PDXDC1: variants seen among roughly 807,000 people sequenced by gnomAD.
The protein encoded by PDXDC1 is pyridoxal-dependent decarboxylase domain-containing protein 1.
Under a neutral mutation model 100.1 loss-of-function variants are expected in PDXDC1, and 42 were observed. The ratio of observed to expected loss-of-function variants is 0.42; its 90% CI spans 0.33 to 0.54. The LOEUF (loss-of-function observed/expected upper bound fraction) is 0.54, where lower values mean the gene tolerates loss of function less well. Among genes scored for constraint, PDXDC1 ranks in the 20% least tolerant of loss-of-function variants. The pLI is 0.10. For missense variants in PDXDC1, 636 were observed against 979.2 expected (o/e 0.65, Z 4.68); for synonymous variants, 260 against 371.7 (o/e 0.70, Z 3.46).
rs2045845490 is a variant in PDXDC1, at chr16:15,084,685, T to C, written c.1400-54194T>C. On this transcript the variant is annotated intron_variant, in intron 16 of 16. Transcript: ENST00000535621. Reference sequence around the variant, plus strand: ...ATTATTTGCAAGGCTCTGTGACATGTGTCAAAATTTGCAGGAAGATCTGAA... The same window carrying C: ...ATTATTTGCAAGGCTCTGTGACATGCGTCAAAATTTGCAGGAAGATCTGAA... The C allele has an allele frequency of 1.9e-6, 3 of 1,613,120 alleles. No homozygotes were observed. In the East Asian group the frequency reaches 6.7e-5, roughly 36 times the overall value.
chr16:15,041,558 C>T (rs2043817091), downstream of PDXDC1: 1 of 1,146,084 alleles, frequency 8.7e-7, no homozygotes, highest in Non-Finnish European at 1.3e-6. Flanking sequence ...GGGCCCACTG[C>T]AAGACTGGGG....
At chr16:15,018,287 T>C (rs550085389) in intron 11 of PDXDC1, among the ~76,000 whole-genome samples, 8 of 152,220 alleles carry the variant, frequency 5.3e-5, no homozygotes, top group South Asian at 4.1e-4. Flanking sequence ...TGTGAGCCTG[T>C]AGTCCCAGCT....
intron 16 of PDXDC1, among the ~76,000 whole-genome samples, chr16:15,054,080 C>T (rs1206303965): frequency 3.3e-5 from 5 of 152,208 alleles, no homozygotes; most frequent in Admixed American, 2.0e-4. Context: ...CGGGCTGCTC[C>T]GGAGAAACTG....
intron 16 of PDXDC1, among the ~76,000 whole-genome samples, chr16:15,030,544 C>CAAAAAAAAAAA (rs1156634836): frequency 2.6e-5 from 1 of 38,376 alleles, no homozygotes; most frequent in East Asian, 1.1e-3. Context: ...GACTCCATCT[C>CAAAAAAAAAAA]AAAAAAAAAA....
downstream of PDXDC1, among the ~76,000 whole-genome samples, chr16:15,143,888 C>T (rs529605199): frequency 2.5e-4 from 38 of 152,348 alleles, no homozygotes; most frequent in South Asian, 7.2e-3. Context: ...GAAACATCTG[C>T]ACATTCCAGA....
At chr16:15,018,652 C>T (rs1194526938) in intron 11 of PDXDC1, among the ~76,000 whole-genome samples, 188 bp from the exon 12 acceptor site, 1 of 152,150 alleles carries the variant, frequency 6.6e-6, no homozygotes, top group Non-Finnish European at 1.5e-5. Context: ...TTGGACAAAC[C>T]GAGGTCTCTG....
At chr16:15,041,557 G>A, downstream of PDXDC1, 9 of 1,131,212 alleles carry the variant, frequency 8.0e-6, no homozygotes, top group Non-Finnish European at 1.1e-5. Flanking sequence ...TGGGCCCACT[G>A]CAAGACTGGG....
At chr16:14,982,122 T>C (rs1968137374) in intron 1 of PDXDC1, among the ~76,000 whole-genome samples, 1 of 152,304 alleles carries the variant, frequency 6.6e-6, no homozygotes, top group Non-Finnish European at 1.5e-5. Context: ...TCTGCCTATC[T>C]TCTTGAGGAA....
the PDXDC1 span, among the ~76,000 whole-genome samples, chr16:15,146,900 T>A: frequency 3.9e-5 from 6 of 152,040 alleles, no homozygotes; most frequent in East Asian, 1.2e-3. Flanking sequence ...TGGAGCCCAC[T>A]TTACAGGTGA....
At chr16:15,078,316 C>T in intron 16 of PDXDC1, among the ~76,000 whole-genome samples, 1 of 152,136 alleles carries the variant, frequency 6.6e-6, no homozygotes, top group Non-Finnish European at 1.5e-5. Context: ...AGTCCACAAA[C>T]CTGCTCACGT....
At chr16:15,085,693 C>T (rs1469555177) in intron 16 of PDXDC1, 1 of 1,613,260 alleles carries the variant, frequency 6.2e-7, no homozygotes. Flanking sequence ...TTAATGATCA[C>T]TCGGGCTTTT....
intron 16 of PDXDC1, among the ~76,000 whole-genome samples, chr16:15,078,923 T>C (rs1304360716): frequency 6.6e-6 from 1 of 151,464 alleles, no homozygotes; most frequent in African/African-American, 2.4e-5. Context: ...ACCATTCTCC[T>C]GCCTCAGCCT....
At chr16:15,131,811 C>T in intron 16 of PDXDC1, 1 of 404,294 alleles carries the variant, frequency 2.5e-6, no homozygotes, top group Non-Finnish European at 4.3e-6. Flanking sequence ...AAAGGGGGAA[C>T]CTGAGGGGGC....
At chr16:15,042,277 C>A (rs2043852518), downstream of PDXDC1, among the ~76,000 whole-genome samples, 1 of 151,588 alleles carries the variant, frequency 6.6e-6, no homozygotes. Context: ...TCTCCACCTC[C>A]CAGGTTCAAG....
At chr16:15,017,296 C>T (rs1302668033) in intron 10 of PDXDC1, 25 bp from the exon 11 acceptor site, 2 of 1,593,358 alleles carry the variant, frequency 1.3e-6, no homozygotes, top group South Asian at 2.2e-5. Context: ...GATAATCTAA[C>T]AAAGAGTTGT....
At chr16:15,057,301 T>C (rs1403975426) in intron 16 of PDXDC1, among the ~76,000 whole-genome samples, 1 of 152,190 alleles carries the variant, frequency 6.6e-6, no homozygotes, top group Non-Finnish European at 1.5e-5. Flanking sequence ...AAATTATTTC[T>C]CTGTATTATT....
intron 16 of PDXDC1, among the ~76,000 whole-genome samples, chr16:15,082,983 T>C (rs2045766625): frequency 6.6e-6 from 1 of 152,028 alleles, no homozygotes; most frequent in Admixed American, 6.6e-5. Flanking sequence ...ACTCAGACCT[T>C]GACTTGCACA....
intron 14 of PDXDC1, among the ~76,000 whole-genome samples, chr16:15,027,058 C>G (rs1219834633): frequency 2.0e-5 from 3 of 152,414 alleles, no homozygotes; most frequent in African/African-American, 7.2e-5. Context: ...CCAAGTGCCA[C>G]CAGTCTAGTC....
intron 16 of PDXDC1, among the ~76,000 whole-genome samples, chr16:15,097,403 T>A (rs2046393557): frequency 7.1e-6 from 1 of 140,232 alleles, no homozygotes; most frequent in South Asian, 2.2e-4. Context: ...GGCAGGCGGA[T>A]CACGAGGTCA....
Sources: gnomAD v4.1 joint callset for allele counts (sites outside exome capture counted in the v4.1 genomes callset) on GRCh38, gnomAD v4.1.1 for gene constraint, MANE v1.5 for transcripts, NCBI Gene and HGNC (gene_info 2026-07-23, HGNC 2026-07-21) for gene names.